Variants in TRPM1 observed in about 807,000 individuals in gnomAD.
TRPM1 encodes the protein transient receptor potential cation channel subfamily M member 1.
Under a neutral mutation model 149.4 loss-of-function variants are expected in TRPM1, and 113 were observed. That is an observed-to-expected ratio of 0.76 (90% CI 0.65 to 0.88). The LOEUF is 0.88. TRPM1 is among the 40% of genes least tolerant of loss of function. TRPM1 has a pLI of 0.00. For synonymous variants in TRPM1, 741 were observed against 759.5 expected (o/e 0.98, Z 0.40); for missense variants, 1,976 against 2,038.7 (o/e 0.97, Z 0.59).
intron 1 of TRPM1, among the ~76,000 whole-genome samples, chr15:31,143,353 G>A (rs1295302416): frequency 2.0e-5 from 3 of 152,250 alleles, no homozygotes; most frequent in Non-Finnish European, 4.4e-5. Context: ...TTAATTTGAA[G>A]CATTGTTGGT....
At chr15:31,132,878 TGTAAGACA>T (rs2036035632) in intron 1 of TRPM1, among the ~76,000 whole-genome samples, 1 of 152,232 alleles carries the variant, frequency 6.6e-6, no homozygotes, top group African/African-American at 2.4e-5. Context: ...CCTGCTGCTA[TGTAAGACA>T]GCTTTGCTTC....
At chr15:31,117,729 A>C (rs1188257756) in intron 1 of TRPM1, among the ~76,000 whole-genome samples, 1 of 151,972 alleles carries the variant, frequency 6.6e-6, no homozygotes, top group African/African-American at 2.4e-5. Context: ...AGTGGACAGC[A>C]TGCAAGAGCA....
chr15:31,116,605 A>ATAAATAAAT (rs1413777443), intron 1 of TRPM1, among the ~76,000 whole-genome samples: 1 of 130,112 alleles, frequency 7.7e-6, no homozygotes, highest in African/African-American at 4.6e-5. Context: ...TCCATCTGAA[A>ATAAATAAAT]TAAATAAATA....
intron 27 of TRPM1, among the ~76,000 whole-genome samples, chr15:31,023,992 C>T (rs2032635186): frequency 6.6e-6 from 1 of 152,066 alleles, no homozygotes; most frequent in South Asian, 2.1e-4. Flanking sequence ...AAGCACCCTG[C>T]GTGGAGGAGA....
At chr15:31,025,956 GCA>G (rs968637378) in intron 27 of TRPM1, among the ~76,000 whole-genome samples, 181 bp downstream of exon 27, 4 of 152,256 alleles carry the variant, frequency 2.6e-5, no homozygotes, top group Non-Finnish European at 1.5e-5. Context: ...TATATCCAAT[GCA>G]CAGTTATTAC....
chr15:31,057,559 A>T (rs2034117413), intron 11 of TRPM1, among the ~76,000 whole-genome samples: 1 of 152,266 alleles, frequency 6.6e-6, no homozygotes, highest in African/African-American at 2.4e-5. Context: ...TATTAAATAT[A>T]AACTATGTAT....
chr15:31,038,021 T>C (rs772356676), intron 19 of TRPM1, 23 bp downstream of exon 19: 1 of 1,614,110 alleles, frequency 6.2e-7, no homozygotes, highest in Admixed American at 1.7e-5. Flanking sequence ...ACTGATATGC[T>C]TAGGGTCAAG....
chr15:31,115,127 G>T (rs11070818), intron 1 of TRPM1, among the ~76,000 whole-genome samples: 1 of 151,764 alleles, frequency 6.6e-6, no homozygotes, highest in Non-Finnish European at 1.5e-5. Flanking sequence ...GCATGGTGGC[G>T]GGTGCCTGTC....
At chr15:31,142,989 C>T (rs914290002) in intron 1 of TRPM1, among the ~76,000 whole-genome samples, 18 of 152,170 alleles carry the variant, frequency 1.2e-4, no homozygotes, top group Non-Finnish European at 2.5e-4. Context: ...CCAAATTTTC[C>T]TGTCAATTGC....
At chr15:31,068,398 A>G (rs1406677617) in intron 4 of TRPM1, among the ~76,000 whole-genome samples, 1 of 152,128 alleles carries the variant, frequency 6.6e-6, no homozygotes, top group African/African-American at 2.4e-5. Context: ...TTAGAAGGTG[A>G]TTACGTCATG....
chr15:31,116,591 A>T, intron 1 of TRPM1, among the ~76,000 whole-genome samples: 1 of 142,406 alleles, frequency 7.0e-6, no homozygotes, highest in Non-Finnish European at 1.5e-5. Context: ...AACGAGAGCA[A>T]AACTCCATCT....
chr15:31,128,195 C>T (rs760639097), intron 1 of TRPM1, among the ~76,000 whole-genome samples: 2 of 152,184 alleles, frequency 1.3e-5, no homozygotes, highest in African/African-American at 2.4e-5. Flanking sequence ...GGCAACCAAC[C>T]CACTGGCACC....
chr15:31,090,089 G>A (rs1232808480), intron 1 of TRPM1, among the ~76,000 whole-genome samples: 2 of 152,048 alleles, frequency 1.3e-5, no homozygotes, highest in Non-Finnish European at 2.9e-5. Flanking sequence ...TTTTTCCTCT[G>A]CAACCCTAGC....
At chr15:31,144,726 T>C (rs1014116926) in intron 1 of TRPM1, among the ~76,000 whole-genome samples, 1 of 150,924 alleles carries the variant, frequency 6.6e-6, no homozygotes. Context: ...TTTTTTTTTT[T>C]TTTTTTGAGA....
At chr15:31,091,433 A>G (rs1255390644) in intron 1 of TRPM1, among the ~76,000 whole-genome samples, 1 of 152,234 alleles carries the variant, frequency 6.6e-6, no homozygotes, top group Non-Finnish European at 1.5e-5. Context: ...AGCGCCTCTC[A>G]GATCTCAGCA....
intron 27 of TRPM1, among the ~76,000 whole-genome samples, chr15:31,017,776 T>C (rs1158329727): frequency 6.6e-6 from 1 of 152,258 alleles, no homozygotes; most frequent in African/African-American, 2.4e-5. Context: ...TAAGGGGTTG[T>C]ACATAATGTG....
chr15:31,053,182 T>C (rs1268294057), intron 11 of TRPM1, among the ~76,000 whole-genome samples: 1 of 152,158 alleles, frequency 6.6e-6, no homozygotes, highest in Non-Finnish European at 1.5e-5. Flanking sequence ...ATATCACTAA[T>C]CATTAGGGAA....
intron 27 of TRPM1, among the ~76,000 whole-genome samples, chr15:31,012,529 G>T (rs557562833): frequency 6.6e-6 from 1 of 152,174 alleles, no homozygotes; most frequent in South Asian, 2.1e-4. Flanking sequence ...CTTCTCTCTT[G>T]CTGCTTTCAA....
chr15:31,060,779 C>G (rs2140953461), intron 10 of TRPM1, 135 bp from the exon 11 acceptor site: 2 of 754,860 alleles, frequency 2.6e-6, no homozygotes, highest in East Asian at 5.3e-5. Flanking sequence ...TTGCTCTTGC[C>G]CTGAATGACC....
Sources: gnomAD v4.1 joint callset for allele counts (sites outside exome capture counted in the v4.1 genomes callset) on GRCh38, gnomAD v4.1.1 for gene constraint, MANE v1.5 for transcripts, NCBI Gene and HGNC (gene_info 2026-07-23, HGNC 2026-07-21) for gene names.